Variants in GRID2 observed in about 807,000 individuals in gnomAD.
GRID2 encodes glutamate receptor ionotropic, delta-2.
In GRID2, 33 loss-of-function variants were observed where a neutral mutation model predicts 114.8. The ratio of observed to expected loss-of-function variants is 0.29; its 90% CI spans 0.22 to 0.38. The LOEUF is 0.38. GRID2 is among the 10% of genes least tolerant of loss of function. The pLI, the probability that GRID2 is intolerant of heterozygous loss-of-function variation, is 1.00. For synonymous variants in GRID2, 505 were observed against 449.9 expected (o/e 1.12, Z -1.55); for missense variants, 1,184 against 1,257.7 (o/e 0.94, Z 0.89).
intron 1 of GRID2, among the ~76,000 whole-genome samples, chr4:92,378,436 T>C (rs1013564629): frequency 6.6e-5 from 10 of 152,142 alleles, no homozygotes; most frequent in African/African-American, 2.2e-4. Flanking sequence ...AGCCTCTCAA[T>C]TGGTATGTCC....
At chr4:93,625,411 G>A (rs1431338212) in intron 13 of GRID2, among the ~76,000 whole-genome samples, 2 of 152,174 alleles carry the variant, frequency 1.3e-5, no homozygotes, top group Non-Finnish European at 2.9e-5. Context: ...TGGCCTAAAA[G>A]TATAGTAAAC....
chr4:93,455,422 C>A (rs1421489932), intron 10 of GRID2, among the ~76,000 whole-genome samples: 6 of 152,112 alleles, frequency 3.9e-5, no homozygotes, highest in Non-Finnish European at 8.8e-5. Context: ...ACTGATTTTA[C>A]ATATGCTGAT....
chr4:92,659,736 C>T (rs1242008132), intron 2 of GRID2, among the ~76,000 whole-genome samples: 2 of 151,370 alleles, frequency 1.3e-5, no homozygotes, highest in East Asian at 3.9e-4. Context: ...TAAATCCATT[C>T]CTGTGCTACA....
chr4:93,255,236 T>A (rs1028464712), intron 8 of GRID2, among the ~76,000 whole-genome samples: 4 of 152,094 alleles, frequency 2.6e-5, no homozygotes, highest in Non-Finnish European at 2.9e-5. Flanking sequence ...AAGAAAAAAA[T>A]TAGCAATCAT....
intron 2 of GRID2, among the ~76,000 whole-genome samples, chr4:92,741,679 G>A (rs1736900650): frequency 6.6e-6 from 1 of 152,104 alleles, no homozygotes; most frequent in South Asian, 2.1e-4. Context: ...AGCCTTAAAA[G>A]CACTTCAACT....
At chr4:93,474,014 A>G (rs1580184252) in intron 11 of GRID2, among the ~76,000 whole-genome samples, 1 of 152,286 alleles carries the variant, frequency 6.6e-6, no homozygotes, top group Non-Finnish European at 1.5e-5. Flanking sequence ...TTATACATTG[A>G]AAGTGCTATT....
In GRID2 at chr4:92,921,292, G is replaced by A. The variant is rs571716842; in HGVS notation, c.245-163703G>A. ...TTTTTAACTTCTTTACCGTGGGTTCGAACTTCCTCCTTTAGTGCAGAGTAG... is the reference window on the plus strand; with the variant it reads ...TTTTTAACTTCTTTACCGTGGGTTCAAACTTCCTCCTTTAGTGCAGAGTAG... On this transcript the variant is annotated intron_variant, in intron 2 of 15. Transcript: ENST00000282020. Among the ~76,000 whole-genome samples, 8 of 151,992 alleles carry A rather than the reference G, an allele frequency of 5.3e-5. No homozygotes were observed. In the East Asian group the frequency reaches 9.7e-4, roughly 18 times the overall value.
chr4:93,652,555 T>A (rs780369598), intron 14 of GRID2, among the ~76,000 whole-genome samples: 1 of 152,028 alleles, frequency 6.6e-6, no homozygotes, highest in African/African-American at 2.4e-5. Context: ...GGCTATATCA[T>A]ATAGCCTAGG....
At chr4:93,022,780 T>C (rs1723504644) in intron 2 of GRID2, among the ~76,000 whole-genome samples, 2 of 152,058 alleles carry the variant, frequency 1.3e-5, no homozygotes, top group Admixed American at 1.3e-4. Context: ...TTTTTTCTTA[T>C]TTTGTTCAAC....
chr4:92,728,825 T>C (rs1212605398), intron 2 of GRID2, among the ~76,000 whole-genome samples: 1 of 151,996 alleles, frequency 6.6e-6, no homozygotes, highest in Non-Finnish European at 1.5e-5. Context: ...ATATGGGTTA[T>C]CATTTATGCC....
chr4:93,336,533 T>C (rs1213685865), intron 8 of GRID2, among the ~76,000 whole-genome samples: 1 of 152,166 alleles, frequency 6.6e-6, no homozygotes, highest in Non-Finnish European at 1.5e-5. Context: ...CTCAGGTATA[T>C]GTGTGGGATA....
At chr4:92,405,738 TACA>T (rs1730997292) in intron 1 of GRID2, among the ~76,000 whole-genome samples, 1 of 151,806 alleles carries the variant, frequency 6.6e-6, no homozygotes, top group South Asian at 2.1e-4. Context: ...AATCAGCTTA[TACA>T]ACTATTTCAT....
intron 2 of GRID2, among the ~76,000 whole-genome samples, chr4:92,600,189 A>G (rs1003204701): frequency 3.3e-5 from 5 of 150,418 alleles, no homozygotes; most frequent in Non-Finnish European, 5.9e-5. Context: ...GAATAGTATT[A>G]CCTTGAATGC....
intron 14 of GRID2, among the ~76,000 whole-genome samples, chr4:93,725,065 T>C (rs1729726476): frequency 6.6e-6 from 1 of 152,160 alleles, no homozygotes; most frequent in Non-Finnish European, 1.5e-5. Flanking sequence ...ACATGTGCCA[T>C]GTTGGTGTGC....
chr4:93,493,927 A>G (rs1195513857), intron 12 of GRID2, among the ~76,000 whole-genome samples: 1 of 151,796 alleles, frequency 6.6e-6, no homozygotes, highest in Non-Finnish European at 1.5e-5. Context: ...TTGTAATATT[A>G]TCACTGGACT....
At chr4:92,525,018 T>C (rs1724976103) in intron 1 of GRID2, among the ~76,000 whole-genome samples, 1 of 152,092 alleles carries the variant, frequency 6.6e-6, no homozygotes, top group East Asian at 2.0e-4. Flanking sequence ...AATAATGTGA[T>C]AATGAGAGAG....
At chr4:92,514,440 G>T (rs1724408590) in intron 1 of GRID2, among the ~76,000 whole-genome samples, 1 of 151,724 alleles carries the variant, frequency 6.6e-6, no homozygotes, top group Non-Finnish European at 1.5e-5. Context: ...TACATTTTTA[G>T]TTTTTAAGAT....
chr4:93,151,115 C>A (rs1736697315), intron 4 of GRID2, among the ~76,000 whole-genome samples: 1 of 116,406 alleles, frequency 8.6e-6, no homozygotes. Context: ...CAGAGTAAGA[C>A]TCCTCAAAAA....
chr4:92,382,987 A>C (rs1308814721), intron 1 of GRID2, among the ~76,000 whole-genome samples: 1 of 151,976 alleles, frequency 6.6e-6, no homozygotes, highest in Non-Finnish European at 1.5e-5. Flanking sequence ...GCTCCTGGGA[A>C]GGTCTCAGGA....
Sources: allele counts gnomAD v4.1 joint callset (sites outside exome capture counted in the v4.1 genomes callset), GRCh38; gene constraint gnomAD v4.1.1; transcripts MANE v1.5; gene names NCBI Gene and HGNC (gene_info 2026-07-23, HGNC 2026-07-21).